The following AGAP1 variants were observed in gnomAD, a reference collection of about 807,000 sequenced individuals.
AGAP1 encodes the protein ArfGAP with GTPase domain, ankyrin repeat and PH domain 1.
Under a neutral mutation model 105.3 loss-of-function variants are expected in AGAP1, and 29 were observed. The ratio of observed to expected loss-of-function variants is 0.28; its 90% CI spans 0.21 to 0.38. The LOEUF (loss-of-function observed/expected upper bound fraction) is 0.38, where lower values mean the gene tolerates loss of function less well. AGAP1 is among the 10% of genes least tolerant of loss of function. The pLI is 1.00. For synonymous variants in AGAP1, 509 were observed against 485.9 expected (o/e 1.05, Z -0.63); for missense variants, 998 against 1,165.1 (o/e 0.86, Z 2.09).
At chr2:235,839,546 C>G (rs1960560752) in intron 9 of AGAP1, among the ~76,000 whole-genome samples, 1 of 152,206 alleles carries the variant, frequency 6.6e-6, no homozygotes, top group Non-Finnish European at 1.5e-5. Flanking sequence ...TATGATCGCA[C>G]TGCTGCACTC....
Position 235,700,616 on chromosome 2 carries a change from A to G in AGAP1, c.164-8563A>G, listed in dbSNP as rs1559367859. On this transcript the variant is annotated intron_variant, in intron 1 of 17. Transcript: ENST00000304032. This position sits in a 1 kb window ranked among gnomAD's most constrained non-coding sequence, Gnocchi z 6.1. ...GGAGTTCCAGACCAGCCTGGGGAAC[A>G]TGGCGAAACCCCGTCTCTACTGAAA... 1.3e-5 allele frequency among the ~76,000 whole-genome samples: 2 copies of G among 152,138 alleles called. No homozygotes were observed. Among genetic ancestry groups the G allele is most frequent in the South Asian group, 4.1e-4 (2 of 4,826 alleles).
At chr2:235,783,050 G>GTT (rs765783060) in intron 6 of AGAP1, among the ~76,000 whole-genome samples, 14 of 83,398 alleles carry the variant, frequency 1.7e-4, no homozygotes, top group African/African-American at 5.3e-4. Context: ...GTGTGTGTGT[G>GTT]TCTAGGTTGC....
At chr2:235,653,894 T>G (rs1365173317) in intron 1 of AGAP1, among the ~76,000 whole-genome samples, 1 of 151,954 alleles carries the variant, frequency 6.6e-6, no homozygotes, top group Admixed American at 6.6e-5. Context: ...CCGTCTCTAC[T>G]AAAAATACAA....
chr2:235,587,722 T>TC (rs1452764808), intron 1 of AGAP1, among the ~76,000 whole-genome samples: 2 of 150,008 alleles, frequency 1.3e-5, no homozygotes, highest in Non-Finnish European at 3.0e-5. Context: ...CCCATTTCAC[T>TC]CCAGTCTGGG....
chr2:235,860,609 C>T (rs1187677077), intron 9 of AGAP1, among the ~76,000 whole-genome samples: 1 of 152,146 alleles, frequency 6.6e-6, no homozygotes, highest in Non-Finnish European at 1.5e-5. Flanking sequence ...CCAAACAGCT[C>T]ACAATTAAAG....
chr2:235,839,235 TTAAA>T (rs1960521563), intron 9 of AGAP1, among the ~76,000 whole-genome samples: 1 of 152,210 alleles, frequency 6.6e-6, no homozygotes, highest in Non-Finnish European at 1.5e-5. Flanking sequence ...GCTTTTCCAT[TTAAA>T]TATGGCACAA....
chr2:235,813,896 T>C (rs1467887307), intron 9 of AGAP1, among the ~76,000 whole-genome samples: 3 of 152,014 alleles, frequency 2.0e-5, no homozygotes, highest in African/African-American at 7.2e-5. Flanking sequence ...GGCGATGGAG[T>C]GGGAAGGTGG....
At chr2:236,024,491 C>T (rs757909713) in intron 13 of AGAP1, among the ~76,000 whole-genome samples, 3 of 152,150 alleles carry the variant, frequency 2.0e-5, no homozygotes, top group Non-Finnish European at 4.4e-5. Context: ...CCTCCCCTCG[C>T]ACCCACTTCT....
chr2:235,810,794 C>T (rs1165509976), intron 9 of AGAP1, among the ~76,000 whole-genome samples: 1 of 145,826 alleles, frequency 6.9e-6, no homozygotes, highest in African/African-American at 2.6e-5. Context: ...GGTGTCCTTT[C>T]TGGGGTCTTG....
At chr2:235,541,530 G>T (rs928575543) in intron 1 of AGAP1, among the ~76,000 whole-genome samples, 4 of 151,772 alleles carry the variant, frequency 2.6e-5, no homozygotes, top group African/African-American at 9.7e-5. Flanking sequence ...TGGGACTACA[G>T]GCGCCCGCCA....
Position 235,744,665 on chromosome 2 carries a change from G to A in AGAP1, c.397-33G>A. The A allele has an allele frequency of 6.2e-7, 1 of 1,613,496 alleles. No individual in the cohort carries two copies. The highest frequency in any genetic ancestry group is 1.7e-5 in the Admixed American group (1 of 59,994). On this transcript the variant is annotated intron_variant, in intron 4 of 17. Coordinates refer to ENST00000304032, the MANE Select transcript of AGAP1 (RefSeq NM_001037131.3). The surrounding 1 kb of genome is among the most constrained non-coding windows in gnomAD (Gnocchi z 5.2). ...GTTCTTAATCAAGCCTGCTCACTCA[G>A]CTCCTGCTCTCCTCCCCTTCTTCTC...
rs2060073950 is a variant in AGAP1, at chr2:236,130,901, C to G, written c.*6779C>G. ...GCTCAGGTTGGCACGAGGGACCTCC[C>G]CCATCCCAACCCAGCCCCAAGGGTC... On this transcript the variant is annotated 3_prime_UTR_variant, in exon 18 of 18. Coordinates refer to ENST00000304032, the MANE Select transcript of AGAP1 (RefSeq NM_001037131.3). This position sits in a 1 kb window ranked among gnomAD's most constrained non-coding sequence, Gnocchi z 5.8. The G allele has an allele frequency of 2.0e-5, 3 of 152,338 alleles. No homozygotes were observed. Among genetic ancestry groups the G allele is most frequent in the African/African-American group, 7.2e-5 (3 of 41,444 alleles). The allele number at this position is 152,338 out of a possible 1,614,324, so 9.4% of individuals were successfully genotyped here. A position where few individuals can be genotyped will look rare whatever the true frequency, so the allele number is the denominator to read the frequency against.
At chr2:235,558,654 A>G (rs1944049617) in intron 1 of AGAP1, among the ~76,000 whole-genome samples, 1 of 152,168 alleles carries the variant, frequency 6.6e-6, no homozygotes, top group South Asian at 2.1e-4. Flanking sequence ...CCATAGGAAC[A>G]ATGTTATGGG....
intron 9 of AGAP1, among the ~76,000 whole-genome samples, chr2:235,852,402 G>C (rs145287104): frequency 1.7e-4 from 26 of 151,998 alleles, no homozygotes; most frequent in Admixed American, 5.2e-4. Context: ...GGGTGGAAAG[G>C]GGGGGGAACC....
chr2:235,841,725 G>A (rs1267334741), intron 9 of AGAP1, among the ~76,000 whole-genome samples: 2 of 152,164 alleles, frequency 1.3e-5, no homozygotes, highest in Non-Finnish European at 1.5e-5. Flanking sequence ...TTGTAATTTG[G>A]CTTTATGTTA....
intron 9 of AGAP1, among the ~76,000 whole-genome samples, chr2:235,841,058 T>C (rs1960771922): frequency 6.6e-6 from 1 of 151,938 alleles, no homozygotes. Context: ...GCATGTCCAT[T>C]GGCTTGTGGG....
intron 16 of AGAP1, among the ~76,000 whole-genome samples, chr2:236,099,015 C>G (rs1209602049): frequency 6.6e-6 from 1 of 151,950 alleles, no homozygotes. Flanking sequence ...GAGGCTAGTC[C>G]TAGGAGCAGA....
At chr2:235,672,351 G>A (rs1948481727) in intron 1 of AGAP1, among the ~76,000 whole-genome samples, 1 of 152,236 alleles carries the variant, frequency 6.6e-6, no homozygotes, top group Non-Finnish European at 1.5e-5. Context: ...GAGGATGGTT[G>A]AAACCAAGCA....
At chr2:236,064,356 C>T (rs1481423956) in intron 16 of AGAP1, among the ~76,000 whole-genome samples, 1 of 152,000 alleles carries the variant, frequency 6.6e-6, no homozygotes, top group African/African-American at 2.4e-5. Flanking sequence ...TTGGGGAGGC[C>T]GAGGTGGGTG....
Sources: gnomAD v4.1 joint callset for allele counts (sites outside exome capture counted in the v4.1 genomes callset) on GRCh38, gnomAD v4.1.1 for gene constraint, Gnocchi (gnomAD v3.1) non-coding constraint, MANE v1.5 for transcripts, NCBI Gene and HGNC (gene_info 2026-07-23, HGNC 2026-07-21) for gene names.